LMNTD1: variants seen among roughly 807,000 people sequenced by gnomAD.
The protein encoded by LMNTD1 is lamin tail domain-containing protein 1.
Under a neutral mutation model 50.9 loss-of-function variants are expected in LMNTD1, and 35 were observed. The observed-to-expected ratio is 0.69, with a 90% CI of 0.53 to 0.91. The LOEUF is 0.91. LMNTD1 is among the 40% of genes least tolerant of loss of function. The probability of loss-of-function intolerance (pLI) is 0.00; values close to 1 mark genes in which losing one functional copy is unlikely to be tolerated. For missense variants in LMNTD1, 470 were observed against 475.5 expected (o/e 0.99, Z 0.11); for synonymous variants, 153 against 161.9 (o/e 0.94, Z 0.42).
intron 5 of LMNTD1, 91 bp downstream of exon 5, chr12:25,526,678 A>C (rs750222948): frequency 2.8e-4 from 234 of 826,118 alleles, no homozygotes; most frequent in Non-Finnish European, 4.0e-4. Flanking sequence ...AGATAGAGTG[A>C]TAACGAGACA....
rs371998670 is a variant in LMNTD1 at position 25,518,781 on chromosome 12, C to T, written c.1189+14G>A. ...CACGCACTCTCCACTGGAACAAGCA[C>T]TCTTTTAACTGACCTGAGGCTCGAT... is the stretch of plus-strand genomic sequence containing the variant. On this transcript the variant is annotated intron_variant, in intron 8 of 9. Transcript: ENST00000458174. 3 of 1,613,318 alleles carry T rather than the reference C, an allele frequency of 1.9e-6. No individual in the cohort carries two copies. The African/African-American group carries it at 4.0e-5, about 22-fold the overall frequency.
chr12:25,607,061 G>A (rs1050820391), intron 1 of LMNTD1, among the ~76,000 whole-genome samples: 3 of 152,158 alleles, frequency 2.0e-5, no homozygotes, highest in Admixed American at 1.3e-4. Flanking sequence ...TTAGTCTTGG[G>A]AGGGTGTATG....
intron 9 of LMNTD1, among the ~76,000 whole-genome samples, chr12:25,480,609 A>C (rs565142588): frequency 6.6e-6 from 1 of 152,340 alleles, no homozygotes; most frequent in African/African-American, 2.4e-5. Flanking sequence ...AGGATGGTTA[A>C]AAACCTAGAC....
chr12:25,622,428 G>A (rs1018256), intron 1 of LMNTD1, among the ~76,000 whole-genome samples: 102,510 of 143,142 alleles, frequency 0.72, 37,158 homozygotes, highest in Non-Finnish European at 0.75. Flanking sequence ...GAAAAGTTGC[G>A]CTGGTCACTG....
intron 1 of LMNTD1, among the ~76,000 whole-genome samples, chr12:25,626,468 T>C (rs966951286): frequency 9.2e-5 from 14 of 152,208 alleles, no homozygotes; most frequent in African/African-American, 3.4e-4. Context: ...TTATGCATTA[T>C]AAATAGTAAC....
At chr12:25,497,552 C>A (rs559453372) in intron 9 of LMNTD1, 1 of 152,290 alleles carries the variant, frequency 6.6e-6, no homozygotes, top group East Asian at 1.9e-4. Context: ...AATCCCAGCA[C>A]TTTGGGAGGC....
intron 1 of LMNTD1, among the ~76,000 whole-genome samples, chr12:25,624,147 C>T (rs1009247034): frequency 1.3e-5 from 2 of 152,162 alleles, no homozygotes; most frequent in South Asian, 2.1e-4. Context: ...GTACTGAAAA[C>T]ACCTTTCACA....
rs554911685 is a variant in LMNTD1, at chr12:25,481,830, G to A, written c.*23-5370C>T. Among the ~76,000 whole-genome samples, 133 of 148,854 alleles carry A rather than the reference G, an allele frequency of 8.9e-4. 2 individuals carry two copies. Among genetic ancestry groups the A allele is most frequent in the African/African-American group, 3.0e-3 (118 of 39,968 alleles). Reference sequence around the variant, plus strand: ...CAACCTAACTACCTAGTTTACTTACGTGAGGTCATCAACATATAGTAATAT... The same window carrying A: ...CAACCTAACTACCTAGTTTACTTACATGAGGTCATCAACATATAGTAATAT... On this transcript the variant is annotated intron_variant, in intron 9 of 9. Transcript: ENST00000458174.
chr12:25,489,226 A>C (rs192530399), intron 9 of LMNTD1, among the ~76,000 whole-genome samples: 4,624 of 148,190 alleles, frequency 0.031, 102 homozygotes, highest in Middle Eastern at 0.089. Flanking sequence ...CCTCCCCCAG[A>C]CTCGCTGCTG....
At chr12:25,545,431 G>C (rs542216071) in intron 4 of LMNTD1, among the ~76,000 whole-genome samples, 1 of 151,612 alleles carries the variant, frequency 6.6e-6, no homozygotes, top group Admixed American at 6.6e-5. Context: ...CTCAGGAATT[G>C]TCTCATCCTC....
At chr12:25,645,203 G>A (rs1290214732) in intron 1 of LMNTD1, among the ~76,000 whole-genome samples, 2 of 152,198 alleles carry the variant, frequency 1.3e-5, no homozygotes, top group East Asian at 3.8e-4. Flanking sequence ...AGCCAGGTAA[G>A]TACAGGGAGA....
chr12:25,626,496 T>C (rs1296891445), intron 1 of LMNTD1, among the ~76,000 whole-genome samples: 2 of 152,182 alleles, frequency 1.3e-5, no homozygotes, highest in East Asian at 3.9e-4. Context: ...CTTACTTCCA[T>C]AAGAGTAGGG....
intron 6 of LMNTD1, 92 bp from the exon 7 acceptor site, chr12:25,520,167 TATATATATAG>T: frequency 1.4e-5 from 3 of 219,540 alleles, no homozygotes; most frequent in African/African-American, 2.4e-5. Context: ...TATATATATA[TATATATATAG>T]TAAAATGGTT....
rs1946765227 is a variant in LMNTD1, at chr12:25,633,624, C to T, written c.58+14870G>A. On this transcript the variant is annotated intron_variant, in intron 1 of 7. Transcript: ENST00000445693. ...GATGTAAATCTAAAAATTATTTGAGCTAAACAACAATAATGACACAACCTA... is the reference window on the plus strand; with the variant it reads ...GATGTAAATCTAAAAATTATTTGAGTTAAACAACAATAATGACACAACCTA... Among the ~76,000 whole-genome samples the T allele has an allele frequency of 2.0e-5, 3 of 151,996 alleles. No homozygotes were observed. In the South Asian group the frequency reaches 6.2e-4, roughly 32 times the overall value.
chr12:25,548,730 C>T (rs930991323), intron 3 of LMNTD1, among the ~76,000 whole-genome samples: 4 of 151,918 alleles, frequency 2.6e-5, no homozygotes, highest in Non-Finnish European at 4.4e-5. Flanking sequence ...TGGTGAGAAA[C>T]AAACACCCTA....
chr12:25,518,876 C>T lies in LMNTD1; in HGVS notation c.1108G>A (p.Glu370Lys), dbSNP rs770776909. The change falls in exon 8 of 10, where the codon GAA becomes AAA. Residue 370 changes from glutamate (E) to lysine (K), a missense_variant. By Grantham distance (56) the Glu-to-Lys change is moderately conservative. Coordinates refer to ENST00000458174, the MANE Select transcript of LMNTD1 (RefSeq NM_001145728.2). ...VSAHPYCPLI[E>K]PHNTSTAGGR... is the part of the protein sequence containing the mutation. ...CCAGCGGTGGATGTATTGTGTGGTTCAATCAGAGGACAGTAAGGATGTGCA... is the reference window on the plus strand; with the variant it reads ...CCAGCGGTGGATGTATTGTGTGGTTTAATCAGAGGACAGTAAGGATGTGCA... 5 of 1,613,934 alleles carry T rather than the reference C, an allele frequency of 3.1e-6. No homozygotes were observed. Among genetic ancestry groups the T allele is most frequent in the Non-Finnish European group, 4.2e-6 (5 of 1,179,986 alleles).
chr12:25,520,255 A>C (rs1014053793), intron 6 of LMNTD1, among the ~76,000 whole-genome samples, 180 bp from the exon 7 acceptor site: 3 of 150,476 alleles, frequency 2.0e-5, no homozygotes, highest in Non-Finnish European at 4.4e-5. Context: ...AGAGCAGCTA[A>C]AATCTACTTA....
At chr12:25,577,003 G>T (rs1945051657) in intron 1 of LMNTD1, among the ~76,000 whole-genome samples, 3 of 152,160 alleles carry the variant, frequency 2.0e-5, no homozygotes, top group Admixed American at 2.0e-4. Flanking sequence ...GATGGCTGTA[G>T]ATGTGTAGTA....
upstream of LMNTD1, among the ~76,000 whole-genome samples, chr12:25,557,014 T>C (rs544771081): frequency 1.3e-5 from 2 of 152,294 alleles, no homozygotes; most frequent in East Asian, 1.9e-4. Flanking sequence ...TAATAATCAG[T>C]TCAGGACTAC....
Sources: allele counts gnomAD v4.1 joint callset (sites outside exome capture counted in the v4.1 genomes callset), GRCh38; gene constraint gnomAD v4.1.1; transcripts MANE v1.5; gene names NCBI Gene and HGNC (gene_info 2026-07-23, HGNC 2026-07-21).